Variants in ATP11A observed in about 807,000 individuals in gnomAD.
ATP11A encodes phospholipid-transporting ATPase IH.
A neutral mutation model predicts 154.4 loss-of-function variants in ATP11A; 81 were observed. The ratio of observed to expected loss-of-function variants is 0.52; its 90% confidence interval spans 0.44 to 0.63. The LOEUF (loss-of-function observed/expected upper bound fraction) is 0.63. Ranked by LOEUF, ATP11A falls within the 30% of genes least tolerant of loss-of-function variation. ATP11A has a pLI of 0.00. For missense variants in ATP11A, 1,316 were observed against 1,474.3 expected (o/e 0.89, Z 1.76); for synonymous variants, 623 against 585.9 (o/e 1.06, Z -0.91).
intron 1 of ATP11A, among the ~76,000 whole-genome samples, chr13:112,776,064 G>A (rs2077341338): frequency 6.6e-6 from 1 of 152,224 alleles, no homozygotes; most frequent in African/African-American, 2.4e-5. Context: ...AGCCCGTGGA[G>A]GCGGCTGACC....
chr13:112,773,794 G>A (rs542097166), intron 1 of ATP11A, among the ~76,000 whole-genome samples: 34 of 152,364 alleles, frequency 2.2e-4, no homozygotes, highest in African/African-American at 7.0e-4. Flanking sequence ...TGTGAGTGGC[G>A]ATCTGCGTCT....
intron 25 of ATP11A, among the ~76,000 whole-genome samples, chr13:112,865,559 G>C (rs1383747399): frequency 6.6e-6 from 1 of 152,008 alleles, no homozygotes; most frequent in Non-Finnish European, 1.5e-5. Context: ...TTTTTTTGTT[G>C]TTGTTGTTGA....
At chr13:112,715,177 G>T (rs904520093) in intron 1 of ATP11A, among the ~76,000 whole-genome samples, 1 of 151,718 alleles carries the variant, frequency 6.6e-6, no homozygotes, top group African/African-American at 2.4e-5. Flanking sequence ...TGTTTCCTGC[G>T]GCAGCTTTTC....
At chr13:112,841,198 G>T (rs962102069) in intron 16 of ATP11A, among the ~76,000 whole-genome samples, 2 of 144,566 alleles carry the variant, frequency 1.4e-5, no homozygotes, top group Non-Finnish European at 3.0e-5. Context: ...CAAACCAGCC[G>T]CCTGGCAGAG....
At chr13:112,834,703 TAA>T in intron 15 of ATP11A, 43 bp downstream of exon 15, 1 of 1,468,454 alleles carries the variant, frequency 6.8e-7, no homozygotes, top group Non-Finnish European at 9.5e-7. Flanking sequence ...GACTAACGAA[TAA>T]AGAGTGTTCT....
Position 112,725,954 on chromosome 13 carries a change from G to A in ATP11A, c.39+35499G>A, listed in dbSNP as rs368325297. On this transcript the variant is annotated intron_variant, in intron 1 of 29. Coordinates refer to ENST00000375645, the MANE Select transcript of ATP11A (RefSeq NM_015205.3). Reference sequence around the variant, plus strand: ...CAGAGCAAGGTGCTGGGGAGGGGGCGGGAAGCGGTGGCCCTGGGGCCTGCT... The same window carrying A: ...CAGAGCAAGGTGCTGGGGAGGGGGCAGGAAGCGGTGGCCCTGGGGCCTGCT... Among the ~76,000 whole-genome samples, 21 of 152,360 alleles carry A rather than the reference G, an allele frequency of 1.4e-4. No individual in the cohort carries two copies. In the South Asian group the frequency reaches 2.5e-3, roughly 18 times the overall value.
chr13:112,708,774 AAGCCTGTAGCTTTGGT>A (rs1345498005), intron 1 of ATP11A, among the ~76,000 whole-genome samples: 4 of 152,142 alleles, frequency 2.6e-5, no homozygotes, highest in African/African-American at 4.8e-5. Flanking sequence ...CCTGCCCGAC[AAGCCTGTAGCTTTGGT>A]CGTCTTCCAA....
chr13:112,725,899 G>T (rs1889811490), intron 1 of ATP11A, among the ~76,000 whole-genome samples: 1 of 152,368 alleles, frequency 6.6e-6, no homozygotes, highest in East Asian at 1.9e-4. Flanking sequence ...CGGCAGCTGA[G>T]GTGACGAGGG....
At chr13:112,691,310 G>A (rs1430050462) in intron 1 of ATP11A, among the ~76,000 whole-genome samples, 1 of 151,838 alleles carries the variant, frequency 6.6e-6, no homozygotes, top group Admixed American at 6.6e-5. Flanking sequence ...TAAAAAATAC[G>A]AAAATTAGCC....
chr13:112,822,743 CAAAA>C (rs764140319), intron 8 of ATP11A, among the ~76,000 whole-genome samples: 7 of 71,040 alleles, frequency 9.9e-5, no homozygotes, highest in Admixed American at 1.6e-4. Flanking sequence ...GACCCTGTTG[CAAAA>C]AAAAAAAAAA....
intron 1 of ATP11A, among the ~76,000 whole-genome samples, chr13:112,692,283 G>A (rs1594298079): frequency 2.0e-5 from 3 of 152,186 alleles, no homozygotes; most frequent in Admixed American, 1.3e-4. Flanking sequence ...CTAACACTCA[G>A]TGTTAAAAAG....
chr13:112,787,358 A>G (rs2077667978), intron 2 of ATP11A, among the ~76,000 whole-genome samples: 1 of 127,386 alleles, frequency 7.9e-6, no homozygotes, highest in South Asian at 2.3e-4. Flanking sequence ...GGGTGTCCTG[A>G]TGCGTAGACT....
chr13:112,846,031 G>A (rs924166473), intron 17 of ATP11A, among the ~76,000 whole-genome samples: 3 of 152,184 alleles, frequency 2.0e-5, no homozygotes, highest in East Asian at 1.9e-4. Context: ...GGGCTGAGCC[G>A]ATGTGTCCTT....
intron 28 of ATP11A, among the ~76,000 whole-genome samples, chr13:112,876,772 C>T (rs373495906): frequency 3.9e-5 from 6 of 152,166 alleles, no homozygotes; most frequent in African/African-American, 1.4e-4. Context: ...GGGAGGAAGA[C>T]GGGGAGTGAG....
chr13:112,740,334 C>T (rs1221305434), intron 1 of ATP11A, among the ~76,000 whole-genome samples: 1 of 152,014 alleles, frequency 6.6e-6, no homozygotes, highest in Non-Finnish European at 1.5e-5. Flanking sequence ...ACCACCACAC[C>T]CGGCTAATTT....
chr13:112,809,152 G>A lies in ATP11A; in HGVS notation c.334-1467G>A, dbSNP rs141939762. Among the ~76,000 whole-genome samples the A allele has an allele frequency of 1.4e-3, 210 of 152,154 alleles. 1 individual carries two copies. The highest frequency in any genetic ancestry group is 4.8e-3 in the African/African-American group (201 of 41,492). On this transcript the variant is annotated intron_variant, in intron 4 of 29. Coordinates refer to ENST00000375645, the MANE Select transcript of ATP11A (RefSeq NM_015205.3). Reference sequence around the variant, plus strand: ...TGAGCATGCAGTTGGTGCTAAATAAGTGTGTTTAATGAACCCAGGAATCAT... The same window carrying A: ...TGAGCATGCAGTTGGTGCTAAATAAATGTGTTTAATGAACCCAGGAATCAT...
intron 1 of ATP11A, among the ~76,000 whole-genome samples, chr13:112,737,392 G>A (rs1301680292): frequency 6.6e-6 from 1 of 152,260 alleles, no homozygotes; most frequent in Non-Finnish European, 1.5e-5. Context: ...ATCCTTCGGT[G>A]AAATGTTCGT....
At chr13:112,725,953 C>T (rs1435713146) in intron 1 of ATP11A, among the ~76,000 whole-genome samples, 6 of 152,346 alleles carry the variant, frequency 3.9e-5, no homozygotes, top group Non-Finnish European at 5.9e-5. Flanking sequence ...GGGGAGGGGG[C>T]GGGAAGCGGT....
At chr13:112,852,873 C>T (rs1373370441) in intron 18 of ATP11A, among the ~76,000 whole-genome samples, 1 of 152,004 alleles carries the variant, frequency 6.6e-6, no homozygotes, top group Non-Finnish European at 1.5e-5. Context: ...CGAAACATCT[C>T]TGAGCCTCAG....
Sources: allele counts gnomAD v4.1 joint callset (sites outside exome capture counted in the v4.1 genomes callset), GRCh38; gene constraint gnomAD v4.1.1; transcripts MANE v1.5; gene names NCBI Gene and HGNC (gene_info 2026-07-23, HGNC 2026-07-21).